The following ADGRL3 variants were observed in gnomAD, a reference collection of about 807,000 sequenced individuals.
ADGRL3 encodes calcium-independent alpha-latrotoxin receptor 3.
In ADGRL3, 62 loss-of-function variants were observed where a neutral mutation model predicts 153.5. The ratio of observed to expected loss-of-function variants is 0.40; its 90% CI spans 0.33 to 0.50. The LOEUF (loss-of-function observed/expected upper bound fraction) is 0.50, where lower values mean the gene tolerates loss of function less well. ADGRL3 is among the 20% of genes least tolerant of loss of function. The pLI, the probability that ADGRL3 is intolerant of heterozygous loss-of-function variation, is 0.47. For synonymous variants in ADGRL3, 710 were observed against 672.5 expected (o/e 1.06, Z -0.86); for missense variants, 1,641 against 1,859.4 (o/e 0.88, Z 2.16).
At chr4:61,339,736 T>C (rs2095764244) in intron 1 of ADGRL3, among the ~76,000 whole-genome samples, 2 of 152,222 alleles carry the variant, frequency 1.3e-5, no homozygotes, top group African/African-American at 4.8e-5. Flanking sequence ...TAAAATTGTC[T>C]TGCCCTTTGT....
At chr4:61,391,855 C>CTTTTTTTTTTT (rs869176171) in intron 2 of ADGRL3, among the ~76,000 whole-genome samples, 2 of 93,656 alleles carry the variant, frequency 2.1e-5, no homozygotes, top group Non-Finnish European at 2.0e-5. Flanking sequence ...AAAAATGCTA[C>CTTTTTTTTTTT]TTTTTTTTTT....
intron 8 of ADGRL3, among the ~76,000 whole-genome samples, chr4:61,782,166 A>G (rs1230708455): frequency 6.6e-6 from 1 of 152,158 alleles, no homozygotes; most frequent in African/African-American, 2.4e-5. Flanking sequence ...TGCAACATTG[A>G]TTGCATCCTA....
chr4:61,368,488 C>T (rs1013378101), intron 1 of ADGRL3, among the ~76,000 whole-genome samples: 26 of 152,100 alleles, frequency 1.7e-4, no homozygotes, highest in African/African-American at 6.3e-4. Flanking sequence ...AATGGGGAAT[C>T]CTTTCCCCAT....
chr4:61,757,039 T>G (rs1050099308), intron 8 of ADGRL3, among the ~76,000 whole-genome samples: 2 of 152,196 alleles, frequency 1.3e-5, no homozygotes, highest in Admixed American at 1.3e-4. Context: ...TTATTGAGGA[T>G]TTTTGCGTCG....
intron 1 of ADGRL3, among the ~76,000 whole-genome samples, chr4:61,373,854 C>T (rs1186767053): frequency 6.6e-5 from 10 of 152,050 alleles, no homozygotes; most frequent in African/African-American, 1.9e-4. Context: ...TATGAATTTT[C>T]CCCCAATAGT....
intron 9 of ADGRL3, among the ~76,000 whole-genome samples, chr4:61,869,255 T>TA (rs951408531): frequency 2.0e-5 from 3 of 152,134 alleles, no homozygotes; most frequent in Non-Finnish European, 4.4e-5. Flanking sequence ...ATTTTTTTTT[T>TA]AACATGCCAA....
intron 8 of ADGRL3, among the ~76,000 whole-genome samples, chr4:61,812,198 T>G (rs1484315530): frequency 6.6e-6 from 1 of 152,176 alleles, no homozygotes; most frequent in African/African-American, 2.4e-5. Flanking sequence ...AGTGTCTTAT[T>G]CTTTTTATAA....
intron 5 of ADGRL3, among the ~76,000 whole-genome samples, chr4:61,612,602 A>T (rs1297075167): frequency 6.6e-6 from 1 of 152,204 alleles, no homozygotes; most frequent in Non-Finnish European, 1.5e-5. Context: ...TTTGAAGATC[A>T]CTAAAATACT....
At chr4:62,034,470 G>A (rs1435209194) in intron 23 of ADGRL3, among the ~76,000 whole-genome samples, 3 of 151,628 alleles carry the variant, frequency 2.0e-5, no homozygotes, top group African/African-American at 7.3e-5. Context: ...TTTGTATTTG[G>A]TGTCAAGAAT....
chr4:61,252,883 C>T (rs1309131470), intron 1 of ADGRL3, among the ~76,000 whole-genome samples: 1 of 152,156 alleles, frequency 6.6e-6, no homozygotes, highest in Non-Finnish European at 1.5e-5. Context: ...GAATACCTTA[C>T]ATAGGCTCAT....
intron 1 of ADGRL3, among the ~76,000 whole-genome samples, chr4:61,326,143 A>T (rs1225715248): frequency 6.6e-6 from 1 of 152,168 alleles, no homozygotes; most frequent in Non-Finnish European, 1.5e-5. Context: ...TGTTCAGTGC[A>T]TATATGTATG....
chr4:61,282,951 A>G (rs559102429), intron 1 of ADGRL3, among the ~76,000 whole-genome samples: 1 of 152,200 alleles, frequency 6.6e-6, no homozygotes, highest in South Asian at 2.1e-4. Flanking sequence ...TTATCCATTG[A>G]AAAACTTCAA....
chr4:61,752,613 T>A (rs1476181658), intron 8 of ADGRL3, among the ~76,000 whole-genome samples: 2 of 152,134 alleles, frequency 1.3e-5, no homozygotes, highest in Admixed American at 6.6e-5. Flanking sequence ...TTTCCTGCAC[T>A]AGTGGTTTCT....
Position 61,805,753 on chromosome 4 carries a change from A to G in ADGRL3, c.1400-8056A>G, listed in dbSNP as rs977725318. 3.3e-5 allele frequency among the ~76,000 whole-genome samples: 5 copies of G among 152,284 alleles called. No homozygotes were observed. In the East Asian group the frequency reaches 9.6e-4, roughly 29 times the overall value. On this transcript the variant is annotated intron_variant, in intron 8 of 26. Transcript: ENST00000683033. ...TTATTTTGGAAAAATAAACTGAGAA[A>G]AGTACATTAGGAGAGTATTTTTAAA...
chr4:61,781,913 G>A (rs945061252), intron 8 of ADGRL3, among the ~76,000 whole-genome samples: 1 of 152,090 alleles, frequency 6.6e-6, no homozygotes, highest in Non-Finnish European at 1.5e-5. Flanking sequence ...TATTCTAAAT[G>A]ATAAGGTTAT....
At position 61,824,980 on chromosome 4, in the gene ADGRL3, T is replaced by A. The variant is rs116072429; in HGVS notation, c.1480+11091T>A. Among the ~76,000 whole-genome samples, 1,164 of 152,260 alleles carry A rather than the reference T, an allele frequency of 7.6e-3. 15 individuals are homozygous for A. Among genetic ancestry groups the A allele is most frequent in the African/African-American group, 0.027 (1,115 of 41,556 alleles). Reference sequence around the variant, plus strand: ...AGTACCACTTGGAGAATGAGAATCTTTTCTCCTTAGCTGCTAAAAGGCATA... The same window carrying A: ...AGTACCACTTGGAGAATGAGAATCTATTCTCCTTAGCTGCTAAAAGGCATA... On this transcript the variant is annotated intron_variant, in intron 9 of 26. Transcript: ENST00000683033.
chr4:61,908,687 A>G (rs1379832500), intron 11 of ADGRL3, among the ~76,000 whole-genome samples: 1 of 151,902 alleles, frequency 6.6e-6, no homozygotes, highest in Non-Finnish European at 1.5e-5. Flanking sequence ...TACTTTGTAC[A>G]CTTTTTATTT....
chr4:62,063,770 C>T, intron 25 of ADGRL3: 1 of 463,648 alleles, frequency 2.2e-6, no homozygotes. Context: ...CATTCCACCC[C>T]TCTTGGTGCT....
At position 62,012,027 on chromosome 4, in the gene ADGRL3, A is replaced by G. The variant is rs1389921148; in HGVS notation, c.3395+13762A>G. On this transcript the variant is annotated intron_variant, in intron 21 of 26. Coordinates refer to ENST00000683033, the MANE Select transcript of ADGRL3 (RefSeq NM_001387552.1). ...GTACAATGATTATATGTATTAATAT[A>G]TATAATTTTATGTGAAAATTGACCA... Among the ~76,000 whole-genome samples the G allele has an allele frequency of 2.0e-5, 3 of 152,122 alleles. No individual in the cohort carries two copies. In the East Asian group the frequency reaches 5.8e-4, roughly 29 times the overall value.
Sources: gnomAD v4.1 joint callset for allele counts (sites outside exome capture counted in the v4.1 genomes callset) on GRCh38, gnomAD v4.1.1 for gene constraint, MANE v1.5 for transcripts, NCBI Gene and HGNC (gene_info 2026-07-23, HGNC 2026-07-21) for gene names.